The following ASTE1 variants were observed in gnomAD, a reference collection of about 807,000 sequenced individuals.
The protein encoded by ASTE1 is asteroid structure-specific endonuclease 1.
A neutral mutation model predicts 45.8 loss-of-function variants in ASTE1; 49 were observed. The observed-to-expected ratio is 1.07, with a 90% CI of 0.85 to 1.36. The LOEUF (loss-of-function observed/expected upper bound fraction) is 1.36. Ranked by LOEUF, ASTE1 falls within the 40% of genes most tolerant of loss-of-function variation. ASTE1 has a pLI of 0.00. For missense variants in ASTE1, 709 were observed against 804.0 expected, an observed-to-expected ratio of 0.88 and a Z score of 1.43; for synonymous variants, 296 against 303.9, an observed-to-expected ratio of 0.97 and a Z score of 0.27.
At chr3:131,022,829 G>A (rs1237391684) in intron 3 of ASTE1, among the ~76,000 whole-genome samples, 6 of 152,142 alleles carry the variant, frequency 3.9e-5, no homozygotes, top group African/African-American at 1.4e-4. Flanking sequence ...AGGAGGCTAA[G>A]AGGCTAGTTC....
intron 4 of ASTE1, 104 bp from the exon 5 acceptor site, chr3:131,016,443 A>T (rs528523182): frequency 6.7e-5 from 87 of 1,293,726 alleles, no homozygotes; most frequent in African/African-American, 5.1e-4. Context: ...AAATTAATTT[A>T]AAAAAACTAA....
At position 131,024,916 on chromosome 3, in the gene ASTE1, G is replaced by T. The variant is rs768036506; in HGVS notation, c.391C>A (p.Arg131=). The change falls in exon 3 of 6, where the codon CGG becomes AGG. Residue 131 remains arginine, a synonymous_variant. Coordinates refer to ENST00000264992, the MANE Select transcript of ASTE1 (RefSeq NM_014065.4). ...GAAAAGCACTGGACAAAACACACCC[G>T]CAGCTTGATCAAAACCTGTATGAAT... ...EVFIQVLIKL[R]VCFVQCFSEA... The T allele has an allele frequency of 1.2e-6, 2 of 1,613,796 alleles. No homozygotes were observed. The highest frequency in any genetic ancestry group is 1.7e-6 in the Non-Finnish European group (2 of 1,179,926).
chr3:131,021,357 G>T (rs2063740121), intron 3 of ASTE1, among the ~76,000 whole-genome samples: 1 of 152,126 alleles, frequency 6.6e-6, no homozygotes, highest in Non-Finnish European at 1.5e-5. Flanking sequence ...GTGTATAATG[G>T]TAATATACCA....
Position 131,024,426 on chromosome 3 carries a change from C to T in ASTE1, c.881G>A (p.Cys294Tyr). ...DRENVKELLC[C>Y]SMEEYQQSQV... ...GGACTGTTGGTATTCTTCCATGGAA[C>T]AGCAGAGAAGTTCCTTAACATTTTC... The change falls in exon 3 of 6, where the codon TGT becomes TAT. Residue 294 changes from cysteine (C) to tyrosine (Y), a missense_variant. Transcript: ENST00000264992. 1.2e-6 allele frequency: 2 copies of T among 1,614,238 alleles called. No homozygotes were observed. Among genetic ancestry groups the T allele is most frequent in the Non-Finnish European group, 1.7e-6 (2 of 1,180,040 alleles).
Position 131,018,643 on chromosome 3 carries a change from G to A in ASTE1, c.1376C>T (p.Pro459Leu). The A allele has an allele frequency of 1.2e-6, 2 of 1,614,120 alleles. No homozygotes were observed. Among genetic ancestry groups the A allele is most frequent in the Non-Finnish European group, 1.7e-6 (2 of 1,180,028 alleles). ...AGCAATGGGCAACTTCAGTGAAGTA[G>A]GGATTGGCTCCAGAATGGTCTGTTT... ...KVKQTILEPI[P>L]TSLKLPIAVS... The change falls in exon 4 of 6, where the codon CCT becomes CTT. Residue 459 changes from proline (P) to leucine (L), a missense_variant. Pro to Leu is a moderately conservative substitution (Grantham distance 98, BLOSUM62 -3). Transcript: ENST00000264992.
In ASTE1 at chr3:131,026,612, C is replaced by A. The variant is rs1248388220; in HGVS notation, c.-252G>T. 6.6e-6 allele frequency: 1 copy of A among 152,294 alleles called. No homozygotes were observed. The highest frequency in any genetic ancestry group is 1.5e-5 in the Non-Finnish European group (1 of 68,122). 9.4% of individuals were successfully genotyped at this position (152,294 alleles called of 1,614,324 possible). On this transcript the variant is annotated 5_prime_UTR_variant, in exon 1 of 6. Coordinates refer to ENST00000264992, the MANE Select transcript of ASTE1 (RefSeq NM_014065.4). ...AATCTCAAGAGCGGGAATCGGAAGT[C>A]TCCCGGTGTGACGTCTCTGGGAAGT...
chr3:131,018,557 A>G lies in ASTE1; in HGVS notation c.1462T>C (p.Leu488=), dbSNP rs148013706. The G allele has an allele frequency of 3.8e-5, 61 of 1,613,974 alleles. No individual in the cohort carries two copies. The African/African-American group carries it at 7.1e-4, about 19-fold the overall frequency. The change falls in exon 4 of 6, where the codon TTA becomes CTA. Residue 488 remains leucine, a synonymous_variant. Coordinates refer to ENST00000264992, the MANE Select transcript of ASTE1 (RefSeq NM_014065.4). ...TKAKLHHLQS[L]LLTMLVGPLI... ...GGCCCCACTAGCATTGTGAGCAGTA[A>G]GGATTGTAGATGATGTAGCTTTGCT...
At chr3:131,014,409 T>C (rs769354028) in intron 5 of ASTE1, 22 bp from the exon 6 acceptor site, 1 of 1,540,378 alleles carries the variant, frequency 6.5e-7, no homozygotes, top group Non-Finnish European at 8.7e-7. Flanking sequence ...AAGAAAAAAG[T>C]ATGTTGTTAA....
chr3:131,018,683 C>G lies in ASTE1; in HGVS notation c.1336G>C (p.Glu446Gln), dbSNP rs754307526. 6 of 1,614,076 alleles carry G rather than the reference C, an allele frequency of 3.7e-6. No individual in the cohort carries two copies. Among genetic ancestry groups the G allele is most frequent in the Non-Finnish European group, 4.2e-6 (5 of 1,180,016 alleles). The change falls in exon 4 of 6, where the codon GAA becomes CAA. Residue 446 changes from glutamate (E) to glutamine (Q), a missense_variant. Coordinates refer to ENST00000264992, the MANE Select transcript of ASTE1 (RefSeq NM_014065.4). Reference sequence around the variant, plus strand: ...ATGGTCTGTTTCACCTTCAGGGTTTCTAACAGAAGCATCTGCCGCCTCCTC... The same window carrying G: ...ATGGTCTGTTTCACCTTCAGGGTTTGTAACAGAAGCATCTGCCGCCTCCTC... Reference protein sequence around the residue: ...SLRRRQMLLLETLKVKQTILE... With the variant: ...SLRRRQMLLLQTLKVKQTILE...
Position 131,016,288 on chromosome 3 carries a change from T to C in ASTE1, c.1565A>G (p.Gln522Arg), listed in dbSNP as rs1192525846. 8 of 1,614,188 alleles carry C rather than the reference T, an allele frequency of 5.0e-6. No individual in the cohort carries two copies. The South Asian group carries it at 7.7e-5, about 16-fold the overall frequency. Residue 522 changes from glutamine (Q) to arginine (R), a missense_variant, in exon 5 of 6, where the codon CAA becomes CGA. Transcript: ENST00000264992. The stretch of plus-strand genomic sequence containing the variant: ...CAGCCGTGTCTGCGCCTTCACTCTT[T>C]GGAACTCTGCATACAACATCTTAGC... ...DGAKMLYAEF[Q>R]RVKAQTRLGT...
At chr3:131,017,286 A>T (rs564500540) in intron 4 of ASTE1, among the ~76,000 whole-genome samples, 1 of 152,242 alleles carries the variant, frequency 6.6e-6, no homozygotes, top group Non-Finnish European at 1.5e-5. Flanking sequence ...TTAATACTTT[A>T]GAAACAGGAA....
intron 4 of ASTE1, among the ~76,000 whole-genome samples, chr3:131,017,648 T>C (rs2063672387): frequency 6.6e-6 from 1 of 152,136 alleles, no homozygotes; most frequent in Non-Finnish European, 1.5e-5. Context: ...CCTGGTATTA[T>C]ATGCAGATGA....
At chr3:131,016,908 G>A in intron 4 of ASTE1, 1 of 977,544 alleles carries the variant, frequency 1.0e-6, no homozygotes, top group Non-Finnish European at 1.4e-6. Flanking sequence ...GTTTTTAGCT[G>A]TAAGTTTCTA....
rs2063794888 is a variant in ASTE1 at position 131,024,973 on chromosome 3, C to A, written c.334G>T (p.Gly112Trp). Residue 112 changes from glycine (G) to tryptophan (W), a missense_variant, in exon 3 of 6, where the codon GGG (glycine) becomes TGG (tryptophan). Gly to Trp is a radical substitution (Grantham distance 184). Coordinates refer to ENST00000264992, the MANE Select transcript of ASTE1 (RefSeq NM_014065.4). ...CGGATGAGTAAGGGACATACGTACC[C>A]ACTCCCACCAACAGAAAGGGAATGG... Reference protein sequence around the residue: ...MAHSLSVGGSGYVCPLLIREV... With the variant: ...MAHSLSVGGSWYVCPLLIREV... 6.2e-7 allele frequency: 1 copy of A among 1,604,514 alleles called. No homozygotes were observed. Among genetic ancestry groups the A allele is most frequent in the Non-Finnish European group, 8.5e-7 (1 of 1,174,700 alleles).
Position 131,024,178 on chromosome 3 carries a change from AGAT to A in ASTE1, c.1126_1128del (p.Ile376del). On this transcript the variant is annotated inframe_deletion, in exon 3 of 6. Coordinates refer to ENST00000264992, the MANE Select transcript of ASTE1 (RefSeq NM_014065.4). ...GGTGAGGCATTTAAAAGAAGCCCAT[AGAT>A]GATTTGCCTGATGGGCTGAGATATT... is the stretch of plus-strand genomic sequence containing the variant. 6.2e-7 allele frequency: 1 copy of A among 1,614,174 alleles called. No individual in the cohort carries two copies. The highest frequency in any genetic ancestry group is 8.5e-7 in the Non-Finnish European group (1 of 1,180,006).
At chr3:131,019,047 T>G (rs994634296) in intron 3 of ASTE1, among the ~76,000 whole-genome samples, 2 of 152,186 alleles carry the variant, frequency 1.3e-5, no homozygotes, top group Non-Finnish European at 2.9e-5. Context: ...ACTCCATAAA[T>G]TTTGATTGAC....
rs1462770127 is a variant in ASTE1, at chr3:131,024,311, A to G, written c.996T>C (p.Ala332=). ...AAGGAGATAGCTGGCCTTTAGCTAA[A>G]GCCACTAATACCCATTCTGGTAAAC... ...NLGLPEWVLV[A]LAKGQLSPFI... The change falls in exon 3 of 6, where the codon GCT becomes GCC. Residue 332 remains alanine (A), a synonymous_variant. Coordinates refer to ENST00000264992, the MANE Select transcript of ASTE1 (RefSeq NM_014065.4). 1 of 1,614,120 alleles carries G rather than the reference A, an allele frequency of 6.2e-7. No individual in the cohort carries two copies. The highest frequency in any genetic ancestry group is 8.5e-7 in the Non-Finnish European group (1 of 1,180,050).
At chr3:131,016,039 T>G in intron 5 of ASTE1, 105 bp downstream of exon 5, 4 of 1,371,112 alleles carry the variant, frequency 2.9e-6, no homozygotes, top group Non-Finnish European at 2.9e-6. Context: ...TTTTTTTTGT[T>G]TTGGTTTTTT....
intron 5 of ASTE1, among the ~76,000 whole-genome samples, chr3:131,014,733 T>TG (rs1341353893): frequency 6.6e-6 from 1 of 152,216 alleles, no homozygotes. Flanking sequence ...ACAGGCAGTT[T>TG]GTTAGAATAT....
Sources: allele counts gnomAD v4.1 joint callset (sites outside exome capture counted in the v4.1 genomes callset), GRCh38; gene constraint gnomAD v4.1.1; transcripts MANE v1.5; gene names NCBI Gene and HGNC (gene_info 2026-07-23, HGNC 2026-07-21).